Variants in MTF2 observed in about 807,000 individuals in gnomAD.
MTF2 encodes the protein metal response element binding transcription factor 2, also known as metal-response element-binding transcription factor 2.
In MTF2, 11 loss-of-function variants were observed where a neutral mutation model predicts 79.5. That is an observed-to-expected ratio of 0.14 (90% confidence interval 0.09 to 0.23). The LOEUF is 0.23. Ranked by LOEUF, MTF2 falls within the 10% of genes least tolerant of loss-of-function variation. MTF2 has a pLI of 1.00. For missense variants in MTF2, 486 were observed against 711.2 expected (o/e 0.68, Z 3.60); for synonymous variants, 208 against 232.8 (o/e 0.89, Z 0.97).
chr1:93,119,680 T>C (rs1367309195), intron 8 of MTF2: 1 of 302,136 alleles, frequency 3.3e-6, no homozygotes, highest in Non-Finnish European at 6.0e-6. Flanking sequence ...CTTTTGAACA[T>C]TCAGAATACC....
At chr1:93,093,878 T>G (rs917385882) in intron 1 of MTF2, among the ~76,000 whole-genome samples, 1 of 152,184 alleles carries the variant, frequency 6.6e-6, no homozygotes, top group Admixed American at 6.5e-5. Context: ...CCAGCTTTAC[T>G]TACTCTTTTT....
At chr1:93,090,126 G>A (rs1557541666) in intron 1 of MTF2, among the ~76,000 whole-genome samples, 1 of 152,040 alleles carries the variant, frequency 6.6e-6, no homozygotes, top group Non-Finnish European at 1.5e-5. Context: ...ACAGGCACCC[G>A]CCATCACGCC....
intron 1 of MTF2, among the ~76,000 whole-genome samples, chr1:93,101,756 T>C (rs1655556529): frequency 6.6e-6 from 1 of 151,526 alleles, no homozygotes; most frequent in South Asian, 2.1e-4. Flanking sequence ...TTCAAAGAAA[T>C]ATTTTGTAGA....
chr1:93,087,024 C>T (rs982331702), intron 1 of MTF2, among the ~76,000 whole-genome samples: 29 of 152,024 alleles, frequency 1.9e-4, no homozygotes, highest in Non-Finnish European at 3.2e-4. Flanking sequence ...CTTATTTTTT[C>T]GTTCGGGACA....
intron 6 of MTF2, among the ~76,000 whole-genome samples, chr1:93,116,641 C>G (rs1656260948): frequency 6.6e-6 from 1 of 151,816 alleles, no homozygotes; most frequent in African/African-American, 2.4e-5. Flanking sequence ...GGTAGGACCA[C>G]AGGCATGCGC....
chr1:93,101,568 G>GTTTTTTTTTTTT (rs71586778), intron 1 of MTF2, among the ~76,000 whole-genome samples: 828 of 25,406 alleles, frequency 0.033, 360 homozygotes, highest in Middle Eastern at 0.17. Context: ...GCTCAGGCTG[G>GTTTTTTTTTTTT]TTTTTTTTTT....
At chr1:93,113,448 TAGC>T (rs1289849477) in intron 3 of MTF2, among the ~76,000 whole-genome samples, 1 of 151,696 alleles carries the variant, frequency 6.6e-6, no homozygotes, top group Non-Finnish European at 1.5e-5. Flanking sequence ...AACAAATAAA[TAGC>T]AGAAATACAA....
At chr1:93,125,306 T>TG (rs61061987) in intron 9 of MTF2, among the ~76,000 whole-genome samples, 83,629 of 141,454 alleles carry the variant, frequency 0.59, 28,307 homozygotes, top group East Asian at 0.91. Context: ...GTCAGTGTTT[T>TG]TTTTTTTTTT....
chr1:93,119,121 C>G (rs545451409), intron 7 of MTF2, among the ~76,000 whole-genome samples: 7 of 152,290 alleles, frequency 4.6e-5, no homozygotes, highest in African/African-American at 1.4e-4. Flanking sequence ...AAACAAAGAT[C>G]CTTTCTCTTC....
intron 1 of MTF2, among the ~76,000 whole-genome samples, chr1:93,092,928 A>G (rs1655130646): frequency 1.3e-5 from 2 of 152,164 alleles, no homozygotes; most frequent in African/African-American, 4.8e-5. Context: ...CACACCTGTA[A>G]TCCCAGCACT....
rs1193713608 is a variant in MTF2 at position 93,079,340 on chromosome 1, C to T, written c.-187C>T. On this transcript the variant is annotated 5_prime_UTR_variant, in exon 1 of 15. Transcript: ENST00000370298. Reference sequence around the variant, plus strand: ...TATTGAAGTGGGCTGTGTTTGAGGCCGGTGTAAGAACGCTCATTCTACCCC... The same window carrying T: ...TATTGAAGTGGGCTGTGTTTGAGGCTGGTGTAAGAACGCTCATTCTACCCC... The T allele has an allele frequency of 3.0e-6, 2 of 659,194 alleles. No individual in the cohort carries two copies. The highest frequency in any genetic ancestry group is 1.8e-5 in the South Asian group (1 of 55,822). 40.8% of individuals were successfully genotyped at this position (659,194 alleles called of 1,614,324 possible). A position where few individuals can be genotyped will look rare whatever the true frequency, so the allele number is the denominator to read the frequency against.
chr1:93,132,549 T>C (rs1215567056), intron 11 of MTF2, among the ~76,000 whole-genome samples: 1 of 152,196 alleles, frequency 6.6e-6, no homozygotes, highest in African/African-American at 2.4e-5. Flanking sequence ...AGGAGTCCTT[T>C]ATAAATATTA....
chr1:93,132,100 T>A (rs1178703453), intron 11 of MTF2, among the ~76,000 whole-genome samples: 1 of 152,130 alleles, frequency 6.6e-6, no homozygotes, highest in African/African-American at 2.4e-5. Flanking sequence ...CGATGAAATA[T>A]AAGGTAAAGA....
chr1:93,109,932 C>T (rs1655963132), intron 1 of MTF2, among the ~76,000 whole-genome samples: 1 of 152,190 alleles, frequency 6.6e-6, no homozygotes, highest in Non-Finnish European at 1.5e-5. Flanking sequence ...TGATCATGGC[C>T]TGCATACCTC....
In MTF2 at chr1:93,079,472, G is replaced by A. The variant is rs1472144405; in HGVS notation, c.-55G>A. On this transcript the variant is annotated 5_prime_UTR_variant, in exon 1 of 15. Transcript: ENST00000370298. ...GACTCGCAGGGGAAGCGCCCACGGG[G>A]ACGGATTGGTTGTTTTTTCCTGTAT... The A allele has an allele frequency of 5.6e-6, 9 of 1,613,164 alleles. No homozygotes were observed. The Admixed American group carries it at 1.0e-4, about 18-fold the overall frequency.
At chr1:93,115,442 C>G (rs766711272) in intron 5 of MTF2, 28 bp from the exon 6 acceptor site, 28 of 1,485,092 alleles carry the variant, frequency 1.9e-5, no homozygotes, top group Non-Finnish European at 2.4e-5. Context: ...AGCCTTCACT[C>G]TTTCACATTT....
At chr1:93,119,442 T>G (rs376907851) in intron 8 of MTF2, 41 bp downstream of exon 8, 18 of 1,442,264 alleles carry the variant, frequency 1.2e-5, no homozygotes, top group Non-Finnish European at 1.7e-5. Flanking sequence ...AAAAGCCATT[T>G]TCTTAAACCT....
At position 93,121,390 on chromosome 1, in the gene MTF2, C is replaced by T; in HGVS notation, c.921+718C>T. Reference sequence around the variant, plus strand: ...ATTACTAAAGTACATATATTAACTACTTTTAGTTAAAACTAAAAAATTTGT... The same window carrying T: ...ATTACTAAAGTACATATATTAACTATTTTTAGTTAAAACTAAAAAATTTGT... On this transcript the variant is annotated intron_variant, in intron 9 of 14. Coordinates refer to ENST00000370298, the MANE Select transcript of MTF2 (RefSeq NM_007358.4). The T allele has an allele frequency of 3.7e-6, 3 of 816,984 alleles. No individual in the cohort carries two copies. In the South Asian group the frequency reaches 1.7e-4, roughly 46 times the overall value. The allele number at this position is 816,984 out of a possible 1,614,324, so 50.6% of individuals were successfully genotyped here.
chr1:93,105,099 G>A (rs1241010997), intron 1 of MTF2, among the ~76,000 whole-genome samples: 1 of 144,166 alleles, frequency 6.9e-6, no homozygotes, highest in Non-Finnish European at 1.5e-5. Flanking sequence ...AGCCGAGATA[G>A]CGCCACTGCA....
Sources: allele counts gnomAD v4.1 joint callset (sites outside exome capture counted in the v4.1 genomes callset), GRCh38; gene constraint gnomAD v4.1.1; transcripts MANE v1.5; gene names NCBI Gene and HGNC (gene_info 2026-07-23, HGNC 2026-07-21).